Variants in STAG1 observed in about 807,000 individuals in gnomAD.
STAG1 encodes the protein STAG1 cohesin complex component.
A neutral mutation model predicts 170.9 loss-of-function variants in STAG1; 26 were observed. That is an observed-to-expected ratio of 0.15 (90% CI 0.11 to 0.21). The LOEUF is 0.21. STAG1 is among the 10% of genes least tolerant of loss of function. The probability of loss-of-function intolerance (pLI) is 1.00; values close to 1 mark genes in which losing one functional copy is unlikely to be tolerated. For synonymous variants in STAG1, 514 were observed against 497.7 expected (o/e 1.03, Z -0.44); for missense variants, 964 against 1,509.5 (o/e 0.64, Z 5.99).
At chr3:136,371,868 A>G (rs1172436960) in intron 23 of STAG1, among the ~76,000 whole-genome samples, 6 of 152,190 alleles carry the variant, frequency 3.9e-5, no homozygotes, top group Non-Finnish European at 8.8e-5. Context: ...TGAACTTTAA[A>G]GTAGTTTTTT....
intron 1 of STAG1, among the ~76,000 whole-genome samples, chr3:136,751,799 G>A (rs574694133): frequency 5.6e-4 from 71 of 127,394 alleles, no homozygotes; most frequent in African/African-American, 2.2e-3. Flanking sequence ...CGACTCCCGA[G>A]AGCCCGGGCG....
intron 15 of STAG1, among the ~76,000 whole-genome samples, chr3:136,441,390 A>T (rs2088627979): frequency 6.6e-6 from 1 of 152,210 alleles, no homozygotes; most frequent in African/African-American, 2.4e-5. Context: ...CAAATAAAAT[A>T]AATAATAATT....
In STAG1 at chr3:136,477,414, T is replaced by TAG. The variant is rs1159974666; in HGVS notation, c.903-4_903-3dup. On this transcript the variant is annotated splice_polypyrimidine_tract_variant and splice_region_variant and intron_variant, in intron 9 of 33. Coordinates refer to ENST00000383202, the MANE Select transcript of STAG1 (RefSeq NM_005862.3). ...GCTCTAATCTCAGCAATAGCATCAC[T>TAG]AGAGAGAGAAAAAAAAGACAATCTC... is the stretch of plus-strand genomic sequence containing the variant. 1 of 1,595,750 alleles carries TAG rather than the reference T, an allele frequency of 6.3e-7. No homozygotes were observed. Among genetic ancestry groups the TAG allele is most frequent in the East Asian group, 2.2e-5 (1 of 44,552 alleles).
intron 7 of STAG1, among the ~76,000 whole-genome samples, chr3:136,507,871 G>C (rs1933849741): frequency 6.6e-6 from 1 of 152,080 alleles, no homozygotes. Context: ...TGGTATTCCA[G>C]AAAACAAGTG....
At chr3:136,713,486 G>C (rs1943438760) in intron 1 of STAG1, among the ~76,000 whole-genome samples, 1 of 151,956 alleles carries the variant, frequency 6.6e-6, no homozygotes, top group South Asian at 2.1e-4. Flanking sequence ...GGGAGGCTGA[G>C]GCAGAAGAAT....
At chr3:136,424,610 G>A (rs530654953) in intron 16 of STAG1, among the ~76,000 whole-genome samples, 75 of 152,174 alleles carry the variant, frequency 4.9e-4, no homozygotes, top group Non-Finnish European at 3.2e-4. Flanking sequence ...TGGAATTACA[G>A]GTGTGAGCCA....
At chr3:136,549,025 A>G (rs990944678) in intron 5 of STAG1, among the ~76,000 whole-genome samples, 6 of 152,146 alleles carry the variant, frequency 3.9e-5, no homozygotes, top group Admixed American at 3.9e-4. Flanking sequence ...CGCTTCCTCT[A>G]CAGCCTGCAA....
At chr3:136,545,583 A>G (rs1195157613) in intron 5 of STAG1, among the ~76,000 whole-genome samples, 1 of 152,206 alleles carries the variant, frequency 6.6e-6, no homozygotes, top group Non-Finnish European at 1.5e-5. Flanking sequence ...GACTACATTT[A>G]AGAGTCTTTT....
At chr3:136,429,259 T>C (rs1400469860) in intron 16 of STAG1, among the ~76,000 whole-genome samples, 1 of 151,892 alleles carries the variant, frequency 6.6e-6, no homozygotes, top group Non-Finnish European at 1.5e-5. Context: ...ATACAAAAAC[T>C]AGCTGGCCCT....
chr3:136,472,614 C>A, intron 11 of STAG1, 122 bp from the exon 12 acceptor site: 1 of 606,014 alleles, frequency 1.7e-6, no homozygotes, highest in Non-Finnish European at 2.9e-6. Flanking sequence ...AAAAGCTTTA[C>A]TCTTGAAACT....
chr3:136,356,906 C>A (rs1210544844), intron 28 of STAG1, among the ~76,000 whole-genome samples: 1 of 151,180 alleles, frequency 6.6e-6, no homozygotes, highest in Non-Finnish European at 1.5e-5. Context: ...GCATGCACCA[C>A]CATGCCTAGC....
intron 23 of STAG1, among the ~76,000 whole-genome samples, chr3:136,376,013 T>TAAAATAAAATAAAATAAAATAAAATAA (rs1163167497): frequency 6.4e-5 from 1 of 15,714 alleles, no homozygotes; most frequent in Non-Finnish European, 1.5e-4. Context: ...AATAAATAAT[T>TAAAATAAAATAAAATAAAATAAAATAA]AACAAAATAA....
intron 13 of STAG1, among the ~76,000 whole-genome samples, chr3:136,454,772 C>T (rs185329890): frequency 1.8e-4 from 27 of 152,288 alleles, no homozygotes; most frequent in African/African-American, 6.5e-4. Context: ...AATTTTTGAT[C>T]ATGTAGTAAA....
intron 2 of STAG1, among the ~76,000 whole-genome samples, chr3:136,624,986 A>G (rs1940033603): frequency 6.6e-6 from 1 of 152,210 alleles, no homozygotes. Flanking sequence ...TTAAGCTTAT[A>G]TAAGTTAACT....
At chr3:136,563,102 T>C (rs1164301287) in intron 5 of STAG1, among the ~76,000 whole-genome samples, 2 of 152,178 alleles carry the variant, frequency 1.3e-5, no homozygotes, top group Admixed American at 1.3e-4. Flanking sequence ...AATGTTTGCT[T>C]TTATCATTTG....
intron 4 of STAG1, among the ~76,000 whole-genome samples, chr3:136,573,624 C>T (rs1937346204): frequency 6.6e-6 from 1 of 151,158 alleles, no homozygotes; most frequent in Non-Finnish European, 1.5e-5. Flanking sequence ...AAAACTAAAA[C>T]AAAAAATAAA....
At chr3:136,606,629 G>C (rs1488082920) in intron 3 of STAG1, among the ~76,000 whole-genome samples, 2 of 152,196 alleles carry the variant, frequency 1.3e-5, no homozygotes, top group East Asian at 1.9e-4. Flanking sequence ...GATGACCATA[G>C]GAGTTTTGAG....
rs1344853958 is a variant in STAG1 at position 136,341,517 on chromosome 3, T to TCGG, written c.3478_3480dup (p.Pro1160dup). The TCGG allele has an allele frequency of 6.2e-7, 1 of 1,613,874 alleles. No homozygotes were observed. Among genetic ancestry groups the TCGG allele is most frequent in the South Asian group, 1.1e-5 (1 of 91,074 alleles). ...TCCTTCCGATTTAAGTCTTCTAACTTCGGCTGGCCTAACCAAGAGATCTGC... is the reference window on the plus strand; with the variant it reads ...TCCTTCCGATTTAAGTCTTCTAACTTCGGCGGCTGGCCTAACCAAGAGATCTGC... On this transcript the variant is annotated inframe_insertion, in exon 31 of 34. Coordinates refer to ENST00000383202, the MANE Select transcript of STAG1 (RefSeq NM_005862.3).
At chr3:136,359,453 C>T (rs1255248145) in intron 26 of STAG1, among the ~76,000 whole-genome samples, 157 bp from the exon 27 acceptor site, 1 of 152,124 alleles carries the variant, frequency 6.6e-6, no homozygotes, top group East Asian at 1.9e-4. Context: ...TACAAATTGT[C>T]TATTATTAAT....
Sources: gnomAD v4.1 joint callset for allele counts (sites outside exome capture counted in the v4.1 genomes callset) on GRCh38, gnomAD v4.1.1 for gene constraint, MANE v1.5 for transcripts, NCBI Gene and HGNC (gene_info 2026-07-23, HGNC 2026-07-21) for gene names.